ZBBX: variants seen among roughly 807,000 people sequenced by gnomAD.
ZBBX encodes zinc finger B-box domain-containing protein 1.
A neutral mutation model predicts 108.5 loss-of-function variants in ZBBX; 101 were observed. The ratio of observed to expected loss-of-function variants is 0.93; its 90% CI spans 0.79 to 1.10. ZBBX has a LOEUF of 1.10. Ranked by LOEUF, ZBBX falls within the 50% of genes least tolerant of loss-of-function variation. ZBBX has a pLI of 0.00. For missense variants in ZBBX, 1,009 were observed against 941.4 expected (o/e 1.07, Z -0.94); for synonymous variants, 356 against 323.4 (o/e 1.10, Z -1.08).
chr3:167,348,123 T>C (rs1741808020), intron 9 of ZBBX, among the ~76,000 whole-genome samples: 1 of 150,694 alleles, frequency 6.6e-6, no homozygotes, highest in Non-Finnish European at 1.5e-5. Flanking sequence ...AAGAATGTGA[T>C]GCTGGCAGTA....
chr3:167,297,106 A>C (rs1731815859), intron 18 of ZBBX, among the ~76,000 whole-genome samples: 1 of 152,040 alleles, frequency 6.6e-6, no homozygotes, highest in Non-Finnish European at 1.5e-5. Context: ...ATGATTTTTT[A>C]AAAAGTATCC....
At chr3:167,230,735 T>A in the ZBBX span, among the ~76,000 whole-genome samples, 2 of 151,768 alleles carry the variant, frequency 1.3e-5, no homozygotes, top group African/African-American at 2.4e-5. Flanking sequence ...AGTGACCTGA[T>A]CAAATGAGCT....
intron 1 of ZBBX, among the ~76,000 whole-genome samples, chr3:167,397,214 C>G (rs530204463): frequency 2.1e-5 from 3 of 143,400 alleles, no homozygotes; most frequent in African/African-American, 7.7e-5. Flanking sequence ...CATTTGTCTT[C>G]GCTGACTGCA....
intron 20 of ZBBX, among the ~76,000 whole-genome samples, chr3:167,251,095 G>A (rs543948804): frequency 6.6e-6 from 1 of 152,310 alleles, no homozygotes; most frequent in East Asian, 1.9e-4. Flanking sequence ...CTGACCAGCA[G>A]GATGGGGTGG....
intron 20 of ZBBX, among the ~76,000 whole-genome samples, chr3:167,264,659 C>T (rs1725165639): frequency 6.6e-6 from 1 of 152,214 alleles, no homozygotes; most frequent in Non-Finnish European, 1.5e-5. Flanking sequence ...TACACACCAC[C>T]ATTACAGTGT....
chr3:167,291,818 G>A (rs189881782), intron 18 of ZBBX, among the ~76,000 whole-genome samples: 2 of 152,116 alleles, frequency 1.3e-5, no homozygotes, highest in Non-Finnish European at 2.9e-5. Flanking sequence ...CCCATCTCAC[G>A]TGCAAAGACA....
At chr3:167,267,461 G>C (rs1725735813) in intron 20 of ZBBX, among the ~76,000 whole-genome samples, 1 of 152,090 alleles carries the variant, frequency 6.6e-6, no homozygotes, top group East Asian at 1.9e-4. Flanking sequence ...GAAGTGAAAA[G>C]GATAAAGATA....
chr3:167,249,683 C>A (rs761495934), intron 20 of ZBBX, among the ~76,000 whole-genome samples: 3 of 152,068 alleles, frequency 2.0e-5, no homozygotes, highest in Non-Finnish European at 4.4e-5. Context: ...AGAATTATAC[C>A]CAAATATTTG....
the ZBBX span, among the ~76,000 whole-genome samples, chr3:167,226,390 G>C: frequency 2.0e-5 from 3 of 151,688 alleles, no homozygotes; most frequent in African/African-American, 7.3e-5. Flanking sequence ...ATGACATGCT[G>C]TCCCTCCCCT....
rs1560175264 is a variant in ZBBX, at chr3:167,356,251, A to AT, written c.432+3618dup. ...AATTTTTACAAATTTCTGGACAGCA[A>AT]TTTTTTTAAGATTCCTTAAATTACT... On this transcript the variant is annotated intron_variant, in intron 8 of 21. Transcript: ENST00000675490. Among the ~76,000 whole-genome samples the AT allele has an allele frequency of 8.5e-5, 13 of 152,164 alleles. No homozygotes were observed. The South Asian group carries it at 2.5e-3, about 29-fold the overall frequency.
intron 19 of ZBBX, among the ~76,000 whole-genome samples, chr3:167,288,146 A>G (rs1218072542): frequency 6.6e-6 from 1 of 152,158 alleles, no homozygotes; most frequent in African/African-American, 2.4e-5. Context: ...ACCTGAATTC[A>G]TTAGTTGTCT....
chr3:167,317,359 G>A, intron 13 of ZBBX, 129 bp downstream of exon 13: 3 of 719,732 alleles, frequency 4.2e-6, no homozygotes, highest in Non-Finnish European at 6.5e-6. Flanking sequence ...TTCATCTAAA[G>A]AGAAAAGATT....
chr3:167,366,331 G>T (rs1745307602), intron 5 of ZBBX, among the ~76,000 whole-genome samples: 1 of 151,638 alleles, frequency 6.6e-6, no homozygotes, highest in African/African-American at 2.4e-5. Context: ...CAAATGTAAA[G>T]AAGAAAAGCA....
At chr3:167,237,227 C>T (rs1024817020), downstream of ZBBX, among the ~76,000 whole-genome samples, 4 of 151,388 alleles carry the variant, frequency 2.6e-5, no homozygotes, top group Admixed American at 6.6e-5. Flanking sequence ...ACATACTCAG[C>T]GTACACTAGA....
chr3:167,198,653 C>G, the ZBBX span, among the ~76,000 whole-genome samples: 1 of 152,038 alleles, frequency 6.6e-6, no homozygotes, highest in Non-Finnish European at 1.5e-5. Context: ...GAAGAAAATA[C>G]TTATCAGATA....
intron 20 of ZBBX, among the ~76,000 whole-genome samples, chr3:167,266,318 T>A (rs774304830): frequency 4.6e-5 from 7 of 152,230 alleles, no homozygotes; most frequent in Non-Finnish European, 1.0e-4. Flanking sequence ...ATACAATGAA[T>A]CTTTGTGAGT....
At chr3:167,348,480 GGAAA>G (rs2108487855) in intron 9 of ZBBX, among the ~76,000 whole-genome samples, 1 of 150,062 alleles carries the variant, frequency 6.7e-6, no homozygotes, top group South Asian at 2.1e-4. Context: ...AGAGAGAGAA[GGAAA>G]GAAAGAGAGG....
Position 167,375,068 on chromosome 3 carries a change from T to C in ZBBX, c.-131-1281A>G, listed in dbSNP as rs1284040518. 2.0e-5 allele frequency among the ~76,000 whole-genome samples: 3 copies of C among 152,182 alleles called. No homozygotes were observed. In the East Asian group the frequency reaches 5.8e-4, roughly 29 times the overall value. On this transcript the variant is annotated intron_variant, in intron 2 of 21. Coordinates refer to ENST00000675490, the MANE Select transcript of ZBBX (RefSeq NM_001199201.2). ...ATTTATTCTGTAGCTAACAAGAGTC[T>C]AATGGGATTTAGCAGGGAAAACGTA...
chr3:167,183,860 G>T, the ZBBX span, among the ~76,000 whole-genome samples: 1 of 152,130 alleles, frequency 6.6e-6, no homozygotes, highest in East Asian at 1.9e-4. Context: ...TTTATGGCCA[G>T]ATTTGGGGAC....
Sources: allele counts gnomAD v4.1 joint callset (sites outside exome capture counted in the v4.1 genomes callset), GRCh38; gene constraint gnomAD v4.1.1; transcripts MANE v1.5; gene names NCBI Gene and HGNC (gene_info 2026-07-23, HGNC 2026-07-21).